DCDC1: variants seen among roughly 807,000 people sequenced by gnomAD.
The protein encoded by DCDC1 is doublecortin domain-containing protein 1.
In DCDC1, 200 loss-of-function variants were observed where a neutral mutation model predicts 178.3. That is an observed-to-expected ratio of 1.12 (90% CI 1.00 to 1.26). The LOEUF (loss-of-function observed/expected upper bound fraction) is 1.26. Among genes scored for constraint, DCDC1 ranks in the 50% most tolerant of loss-of-function variants. The probability of loss-of-function intolerance (pLI) is 0.00; values close to 1 mark genes in which losing one functional copy is unlikely to be tolerated. For synonymous variants in DCDC1, 690 were observed against 604.8 expected, an observed-to-expected ratio of 1.14 and a Z score of -2.07; for missense variants, 1,983 against 1,749.2, an observed-to-expected ratio of 1.13 and a Z score of -2.38.
At chr11:31,310,625 C>G (rs1011270380) in intron 3 of DCDC1, among the ~76,000 whole-genome samples, 4 of 151,982 alleles carry the variant, frequency 2.6e-5, no homozygotes, top group African/African-American at 4.8e-5. Context: ...TTCTTACACA[C>G]TCTCAAACTC....
intron 20 of DCDC1, among the ~76,000 whole-genome samples, chr11:30,956,172 G>A (rs1437277445): frequency 1.3e-5 from 2 of 152,170 alleles, no homozygotes; most frequent in Non-Finnish European, 2.9e-5. Context: ...GAAAATTGGA[G>A]TCTAAAGCCA....
At chr11:30,990,346 C>T (rs556228086) in intron 20 of DCDC1, among the ~76,000 whole-genome samples, 1 of 152,310 alleles carries the variant, frequency 6.6e-6, no homozygotes, top group East Asian at 1.9e-4. Flanking sequence ...GAACAAAGCA[C>T]GACACCTTAT....
intron 20 of DCDC1, among the ~76,000 whole-genome samples, chr11:31,027,390 A>C (rs1311672141): frequency 1.3e-5 from 2 of 151,702 alleles, no homozygotes; most frequent in Non-Finnish European, 3.0e-5. Flanking sequence ...CCCAAAGAAC[A>C]CTTTTTCTAA....
At chr11:31,240,189 TCTTAAAA>T (rs1976943778) in intron 9 of DCDC1, among the ~76,000 whole-genome samples, 1 of 152,010 alleles carries the variant, frequency 6.6e-6, no homozygotes, top group Non-Finnish European at 1.5e-5. Context: ...TATCATGATA[TCTTAAAA>T]CTTAAATAAT....
chr11:31,073,707 T>C (rs981968305), intron 18 of DCDC1, among the ~76,000 whole-genome samples: 1 of 152,134 alleles, frequency 6.6e-6, no homozygotes, highest in Non-Finnish European at 1.5e-5. Context: ...TGGAGTGAAA[T>C]CTTGAGCAAA....
Position 30,948,497 on chromosome 11 carries a change from A to G in DCDC1, c.2715+3948T>C, listed in dbSNP as rs185887931. The stretch of plus-strand genomic sequence containing the variant: ...ACTGACTTTCTTCACAGAAGTAGAA[A>G]AAACTACTTTAAATTTCATATGGAA... On this transcript the variant is annotated intron_variant, in intron 21 of 38. Transcript: ENST00000684477. 3.7e-4 allele frequency among the ~76,000 whole-genome samples: 56 copies of G among 152,342 alleles called. No homozygotes were observed. In the East Asian group the frequency reaches 0.01, roughly 28 times the overall value.
chr11:31,225,492 G>C (rs1974813298), intron 9 of DCDC1, among the ~76,000 whole-genome samples: 1 of 151,306 alleles, frequency 6.6e-6, no homozygotes, highest in Non-Finnish European at 1.5e-5. Context: ...GTAACCAAAA[G>C]CTACCTTTTC....
chr11:30,975,312 G>C (rs959878387), intron 20 of DCDC1, among the ~76,000 whole-genome samples: 1 of 151,944 alleles, frequency 6.6e-6, no homozygotes, highest in Non-Finnish European at 1.5e-5. Context: ...ACTGGAGCAA[G>C]ACAAGGATAC....
chr11:31,235,487 A>C (rs2136827915), intron 9 of DCDC1, among the ~76,000 whole-genome samples: 1 of 152,072 alleles, frequency 6.6e-6, no homozygotes, highest in Admixed American at 6.6e-5. Flanking sequence ...AAAACACTTA[A>C]ATTGGGATTT....
At position 31,065,124 on chromosome 11, in the gene DCDC1, T is replaced by C; in HGVS notation, c.2328A>G (p.Leu776=). 2 of 764,526 alleles carry C rather than the reference T, an allele frequency of 2.6e-6. No individual in the cohort carries two copies. The highest frequency in any genetic ancestry group is 2.4e-6 in the Non-Finnish European group (1 of 417,228). 47.4% of individuals were successfully genotyped at this position (764,526 alleles called of 1,614,324 possible). A position where few individuals can be genotyped will look rare whatever the true frequency, so the allele number is the denominator to read the frequency against. The change falls in exon 19 of 39, where the codon CTA becomes CTG. Residue 776 remains leucine, a synonymous_variant. Transcript: ENST00000684477. ...KAYPQFVLTY[L]EELNAQVDVT... ...CATCTACTTGTGCATTTAGCTCCTCTAGGTAGGTCAGAACAAACTGAGGAT... is the reference window on the plus strand; with the variant it reads ...CATCTACTTGTGCATTTAGCTCCTCCAGGTAGGTCAGAACAAACTGAGGAT...
At position 30,957,019 on chromosome 11, in the gene DCDC1, C is replaced by G. The variant is rs566791709; in HGVS notation, c.2592-4451G>C. 3.0e-4 allele frequency among the ~76,000 whole-genome samples: 45 copies of G among 152,282 alleles called. No individual in the cohort carries two copies. In the South Asian group the frequency reaches 9.1e-3, roughly 31 times the overall value. ...TCAGAAGACTTTCCTCATCCTCCCACCAGCAAATCTACCCAGCTCCCTACC... is the reference window on the plus strand; with the variant it reads ...TCAGAAGACTTTCCTCATCCTCCCAGCAGCAAATCTACCCAGCTCCCTACC... On this transcript the variant is annotated intron_variant, in intron 20 of 38. Transcript: ENST00000684477.
intron 9 of DCDC1, among the ~76,000 whole-genome samples, chr11:31,210,479 G>A (rs1025528108): frequency 9.9e-5 from 15 of 151,972 alleles, no homozygotes; most frequent in South Asian, 4.1e-4. Context: ...TTGGGAGGCC[G>A]AGGCAGGTGG....
chr11:30,989,802 G>T (rs1388191430), intron 20 of DCDC1, among the ~76,000 whole-genome samples: 1 of 152,054 alleles, frequency 6.6e-6, no homozygotes, highest in Non-Finnish European at 1.5e-5. Flanking sequence ...GAATGCTGTG[G>T]GATGCCAAAA....
intron 38 of DCDC1, among the ~76,000 whole-genome samples, chr11:30,871,271 C>G (rs943190704): frequency 2.0e-5 from 3 of 152,074 alleles, no homozygotes; most frequent in Non-Finnish European, 2.9e-5. Context: ...CACATGAGGA[C>G]CAAGCACAGA....
intron 20 of DCDC1, among the ~76,000 whole-genome samples, chr11:30,954,226 A>G (rs970468039): frequency 3.3e-5 from 5 of 151,890 alleles, no homozygotes; most frequent in African/African-American, 9.7e-5. Flanking sequence ...CGTGTTATCC[A>G]GGATGGTCTC....
chr11:31,174,986 A>C (rs150242633), intron 9 of DCDC1, among the ~76,000 whole-genome samples: 11 of 152,368 alleles, frequency 7.2e-5, no homozygotes, highest in African/African-American at 2.6e-4. Flanking sequence ...GAAATGTAAC[A>C]CAAACAGGGC....
At chr11:31,046,060 A>G (rs1038134693) in intron 20 of DCDC1, among the ~76,000 whole-genome samples, 1 of 152,130 alleles carries the variant, frequency 6.6e-6, no homozygotes, top group Admixed American at 6.6e-5. Flanking sequence ...CACATATGTA[A>G]CACATCACAA....
rs1408413359 is a variant in DCDC1, at chr11:30,958,041, T to C, written c.2592-5473A>G. 3.3e-5 allele frequency among the ~76,000 whole-genome samples: 5 copies of C among 152,168 alleles called. No homozygotes were observed. The East Asian group carries it at 5.8e-4, about 18-fold the overall frequency. On this transcript the variant is annotated intron_variant, in intron 20 of 38. Coordinates refer to ENST00000684477, the MANE Select transcript of DCDC1 (RefSeq NM_001387274.1). Reference sequence around the variant, plus strand: ...TTATAGTCCCACTTGGATGTGTCCCTGAAGGACAGTGGTGAGAAATTGTCC... The same window carrying C: ...TTATAGTCCCACTTGGATGTGTCCCCGAAGGACAGTGGTGAGAAATTGTCC...
At chr11:31,186,316 T>C (rs1969484666) in intron 9 of DCDC1, among the ~76,000 whole-genome samples, 1 of 152,178 alleles carries the variant, frequency 6.6e-6, no homozygotes, top group South Asian at 2.1e-4. Context: ...CTGTTCCTTA[T>C]TCCCCCAGCT....
Sources: gnomAD v4.1 joint callset for allele counts (sites outside exome capture counted in the v4.1 genomes callset) on GRCh38, gnomAD v4.1.1 for gene constraint, MANE v1.5 for transcripts, NCBI Gene and HGNC (gene_info 2026-07-23, HGNC 2026-07-21) for gene names.